Variants in ZNF565 observed in about 807,000 individuals in gnomAD.
The protein encoded by ZNF565 is zinc finger protein 565.
ZNF565 carries 27 observed loss-of-function variants against 39.4 expected under a neutral mutation model. The ratio of observed to expected loss-of-function variants is 0.69; its 90% CI spans 0.51 to 0.95. The LOEUF is 0.95. Ranked by LOEUF, ZNF565 falls within the 40% of genes least tolerant of loss-of-function variation. The pLI, the probability that ZNF565 is intolerant of heterozygous loss-of-function variation, is 0.00. For synonymous variants in ZNF565, 185 were observed against 216.6 expected (o/e 0.85, Z 1.28); for missense variants, 524 against 621.1 (o/e 0.84, Z 1.66).
At chr19:36,192,686 G>C (rs1218508455) in intron 4 of ZNF565, among the ~76,000 whole-genome samples, 1 of 151,956 alleles carries the variant, frequency 6.6e-6, no homozygotes, top group Non-Finnish European at 1.5e-5. Flanking sequence ...GGTTTTAGTA[G>C]AGATGGGGTT....
In ZNF565 at chr19:36,182,403, A is replaced by T; in HGVS notation, c.*63T>A. The stretch of plus-strand genomic sequence containing the variant: ...AATTACACTACATTAAAAATTACCT[A>T]GTACTGAGCCAGATGTGAACTCCAC... On this transcript the variant is annotated 3_prime_UTR_variant, in exon 5 of 5. Transcript: ENST00000304116. 1 of 1,422,846 alleles carries T rather than the reference A, an allele frequency of 7.0e-7. No homozygotes were observed. Among genetic ancestry groups the T allele is most frequent in the Non-Finnish European group, 9.4e-7 (1 of 1,059,574 alleles). The allele number at this position is 1,422,846 out of a possible 1,614,324, so 88.1% of individuals were successfully genotyped here.
intron 4 of ZNF565, among the ~76,000 whole-genome samples, chr19:36,192,811 G>T (rs1975608882): frequency 6.9e-6 from 1 of 145,872 alleles, no homozygotes; most frequent in Non-Finnish European, 1.5e-5. Context: ...CAATAAAATG[G>T]TTTTTTTTTT....
chr19:36,235,151 G>A (rs187126468), intron 1 of ZNF565, among the ~76,000 whole-genome samples: 1 of 151,644 alleles, frequency 6.6e-6, no homozygotes, highest in Admixed American at 6.6e-5. Flanking sequence ...GGAGGCTGCA[G>A]TGAGCCGAGA....
chr19:36,233,845 G>T (rs1017987120), intron 1 of ZNF565, among the ~76,000 whole-genome samples: 8 of 152,174 alleles, frequency 5.3e-5, no homozygotes, highest in African/African-American at 1.7e-4. Flanking sequence ...GGAGACAGAT[G>T]CCTTCCTCTT....
intron 1 of ZNF565, among the ~76,000 whole-genome samples, chr19:36,222,403 G>A (rs1976885858): frequency 6.6e-6 from 1 of 151,936 alleles, no homozygotes. Flanking sequence ...TTTTTTATGT[G>A]CGCCATTTTA....
chr19:36,195,261 G>A (rs1975715281), intron 2 of ZNF565, 105 bp from the exon 3 acceptor site: 9 of 1,366,586 alleles, frequency 6.6e-6, no homozygotes, highest in Non-Finnish European at 9.1e-6. Flanking sequence ...GACAGTAATG[G>A]CCCCCCGATA....
Position 36,183,549 on chromosome 19 carries a change from G to T in ZNF565, c.417C>A (p.Asn139Lys). ...VNEECYFKQV[N>K]VTYGHMPVFQ... ...ACACGGGCATATGTCCATAGGTGAC[G>T]TTCACTTGCTTAAAATAGCACTCTT... The change falls in exon 5 of 5, where the codon AAC becomes AAA. Residue 139 changes from asparagine to lysine, a missense_variant. Transcript: ENST00000304116. The T allele has an allele frequency of 1.9e-6, 3 of 1,614,214 alleles. No homozygotes were observed. Among genetic ancestry groups the T allele is most frequent in the Non-Finnish European group, 2.5e-6 (3 of 1,180,050 alleles).
chr19:36,236,477 G>A, intron 1 of ZNF565: 1 of 1,612,422 alleles, frequency 6.2e-7, no homozygotes, highest in African/African-American at 1.3e-5. Flanking sequence ...TTACAGTGGG[G>A]AAAACCCCTT....
chr19:36,222,976 C>G (rs1442044569), intron 1 of ZNF565, among the ~76,000 whole-genome samples: 1 of 151,788 alleles, frequency 6.6e-6, no homozygotes, highest in African/African-American at 2.4e-5. Context: ...CACCAAAGAC[C>G]TTTTTATTCA....
At chr19:36,222,100 A>G (rs1330103172) in intron 1 of ZNF565, among the ~76,000 whole-genome samples, 3 of 151,338 alleles carry the variant, frequency 2.0e-5, no homozygotes, top group Admixed American at 1.3e-4. Context: ...TGGCTTTTTT[A>G]CTTTTTGTAG....
chr19:36,193,097 G>A (rs1157275154), intron 4 of ZNF565, among the ~76,000 whole-genome samples: 3 of 152,142 alleles, frequency 2.0e-5, no homozygotes, highest in South Asian at 2.1e-4. Context: ...CTGGGTTCAC[G>A]CCATTCTCCT....
At position 36,182,619 on chromosome 19, in the gene ZNF565, G is replaced by A. The variant is rs1043670411; in HGVS notation, c.1347C>T (p.Cys449=). ...GAATAAAGGCCATTCCACACTCCCTGCATTCATAGGGTTTCTCACAAGTGT... is the reference window on the plus strand; with the variant it reads ...GAATAAAGGCCATTCCACACTCCCTACATTCATAGGGTTTCTCACAAGTGT... ...RIHTCEKPYE[C]RECGMAFIRS... Residue 449 remains cysteine, a synonymous_variant, in exon 5 of 5, where the codon TGC becomes TGT. Coordinates refer to ENST00000304116, the MANE Select transcript of ZNF565 (RefSeq NM_152477.5). 21 of 1,613,974 alleles carry A rather than the reference G, an allele frequency of 1.3e-5. No homozygotes were observed. Among genetic ancestry groups the A allele is most frequent in the Non-Finnish European group, 1.7e-5 (20 of 1,179,994 alleles).
chr19:36,186,600 C>T (rs760974267), intron 4 of ZNF565, among the ~76,000 whole-genome samples: 9 of 151,974 alleles, frequency 5.9e-5, no homozygotes, highest in South Asian at 4.2e-4. Flanking sequence ...CCAGACTGGG[C>T]AACATGGTGC....
intron 1 of ZNF565, among the ~76,000 whole-genome samples, chr19:36,239,666 C>G (rs1977764560): frequency 6.6e-6 from 1 of 152,122 alleles, no homozygotes; most frequent in Non-Finnish European, 1.5e-5. Context: ...CCCATAACTT[C>G]CACAGTTCAG....
chr19:36,205,874 T>C (rs1976131929), intron 1 of ZNF565, among the ~76,000 whole-genome samples: 1 of 151,986 alleles, frequency 6.6e-6, no homozygotes, highest in Non-Finnish European at 1.5e-5. Context: ...TCATATTTAC[T>C]GGGCTCCTGT....
Position 36,183,503 on chromosome 19 carries a change from T to C in ZNF565, c.463A>G (p.Thr155Ala). ...MPVFQHHTSHTVRQSRETGEK... is the reference protein window; with the variant it reads ...MPVFQHHTSHAVRQSRETGEK... ...CCAGTCTCCCTGCTCTGACGTACAG[T>C]GTGAGACGTGTGATGCTGGAACACG... The change falls in exon 5 of 5, where the codon ACT becomes GCT. Residue 155 changes from threonine (T) to alanine (A), a missense_variant. Thr to Ala is a moderately conservative substitution (Grantham distance 58). Transcript: ENST00000304116. The C allele has an allele frequency of 1.9e-6, 3 of 1,614,256 alleles. No homozygotes were observed. The South Asian group carries it at 3.3e-5, about 18-fold the overall frequency.
At chr19:36,240,416 AAAAC>A (rs752726422) in intron 1 of ZNF565, among the ~76,000 whole-genome samples, 17 of 152,298 alleles carry the variant, frequency 1.1e-4, no homozygotes, top group Admixed American at 2.6e-4. Context: ...GACCCTGTCG[AAAAC>A]AAACAAAACC....
intron 4 of ZNF565, among the ~76,000 whole-genome samples, chr19:36,186,161 C>A (rs1452607321): frequency 1.3e-5 from 2 of 152,002 alleles, no homozygotes; most frequent in Non-Finnish European, 2.9e-5. Flanking sequence ...CACGCCCGGC[C>A]AATTTTTGTA....
chr19:36,202,920 T>C (rs1417165333), intron 1 of ZNF565, among the ~76,000 whole-genome samples: 1 of 152,146 alleles, frequency 6.6e-6, no homozygotes, highest in Non-Finnish European at 1.5e-5. Context: ...AATACAGGCA[T>C]CTTGCTTGCA....
Sources: allele counts gnomAD v4.1 joint callset (sites outside exome capture counted in the v4.1 genomes callset), GRCh38; gene constraint gnomAD v4.1.1; transcripts MANE v1.5; gene names NCBI Gene and HGNC (gene_info 2026-07-23, HGNC 2026-07-21).